Variants in CPXM2 observed in about 807,000 individuals in gnomAD.
The protein encoded by CPXM2 is carboxypeptidase X, M14 family member 2, also known as inactive carboxypeptidase-like protein X2.
A neutral mutation model predicts 86.1 loss-of-function variants in CPXM2; 66 were observed. The ratio of observed to expected loss-of-function variants is 0.77; its 90% CI spans 0.63 to 0.94. CPXM2 has a LOEUF of 0.94. CPXM2 is among the 40% of genes least tolerant of loss of function. The probability of loss-of-function intolerance (pLI) is 0.00; values close to 1 mark genes in which losing one functional copy is unlikely to be tolerated. For synonymous variants in CPXM2, 388 were observed against 400.2 expected (o/e 0.97, Z 0.36); for missense variants, 948 against 1,026.3 (o/e 0.92, Z 1.04).
At chr10:123,785,782 G>A (rs535682719) in intron 6 of CPXM2, among the ~76,000 whole-genome samples, 41 of 152,020 alleles carry the variant, frequency 2.7e-4, no homozygotes, top group Admixed American at 2.4e-3. Context: ...ACAGGCACTC[G>A]CCACCACGCC....
chr10:123,832,884 C>T (rs920118600), intron 4 of CPXM2, among the ~76,000 whole-genome samples: 5 of 151,340 alleles, frequency 3.3e-5, no homozygotes, highest in African/African-American at 1.2e-4. Context: ...AATGGATTAG[C>T]GCTCTTACAA....
chr10:123,907,790 G>A (rs1945456072), intron 2 of CPXM2, among the ~76,000 whole-genome samples: 1 of 152,158 alleles, frequency 6.6e-6, no homozygotes. Context: ...TACACTGAAG[G>A]CACCATCCCT....
At chr10:123,913,917 C>A in intron 2 of CPXM2, 2 of 448,386 alleles carry the variant, frequency 4.5e-6, no homozygotes, top group South Asian at 3.2e-5. Flanking sequence ...CTGCCCACAG[C>A]CTATGCAATA....
At chr10:123,911,485 T>C (rs1428459259) in intron 2 of CPXM2, among the ~76,000 whole-genome samples, 1 of 151,162 alleles carries the variant, frequency 6.6e-6, no homozygotes, top group Non-Finnish European at 1.5e-5. Context: ...TACGATTAGG[T>C]TGGTGCAAAA....
chr10:123,808,265 G>T (rs1305472594), intron 4 of CPXM2, among the ~76,000 whole-genome samples: 1 of 152,092 alleles, frequency 6.6e-6, no homozygotes, highest in Non-Finnish European at 1.5e-5. Context: ...CCTTCTACTA[G>T]TGTACAACTA....
chr10:123,904,981 T>G (rs535355512), intron 2 of CPXM2, among the ~76,000 whole-genome samples: 28 of 152,210 alleles, frequency 1.8e-4, no homozygotes, highest in African/African-American at 6.7e-4. Flanking sequence ...GTTCACCCTG[T>G]GACAGGAGCT....
At chr10:123,822,255 T>C (rs1439544201) in intron 4 of CPXM2, among the ~76,000 whole-genome samples, 2 of 152,248 alleles carry the variant, frequency 1.3e-5, no homozygotes, top group Non-Finnish European at 2.9e-5. Flanking sequence ...AAAACTTTTC[T>C]TTATAGACAG....
chr10:123,940,243 C>T (rs1945762026), exon 1 of CPXM2: 1 of 152,350 alleles, frequency 6.6e-6, no homozygotes, highest in Admixed American at 6.5e-5. Context: ...CTGCATTCAC[C>T]TCCATGCCTC....
chr10:123,907,664 T>C (rs1945454663), intron 2 of CPXM2, among the ~76,000 whole-genome samples: 1 of 148,738 alleles, frequency 6.7e-6, no homozygotes, highest in African/African-American at 2.5e-5. Context: ...CTTCTATCAT[T>C]CCCATTACAG....
intron 6 of CPXM2, among the ~76,000 whole-genome samples, chr10:123,784,376 G>A (rs972748453): frequency 2.0e-5 from 3 of 152,144 alleles, no homozygotes; most frequent in African/African-American, 7.2e-5. Flanking sequence ...ACTGTGGCAG[G>A]ATAAGTTACT....
chr10:123,837,886 C>G (rs1301665723), intron 4 of CPXM2, among the ~76,000 whole-genome samples: 1 of 152,150 alleles, frequency 6.6e-6, no homozygotes, highest in African/African-American at 2.4e-5. Flanking sequence ...GGTGGCTGAG[C>G]CTCGTGATTT....
At chr10:123,771,121 T>TCCACAGC in intron 7 of CPXM2, 82 bp from the exon 8 acceptor site, 1 of 1,378,270 alleles carries the variant, frequency 7.3e-7, no homozygotes, top group Non-Finnish European at 1.0e-6. Flanking sequence ...AACGGACACC[T>TCCACAGC]CTTGCTTTCC....
intron 8 of CPXM2, among the ~76,000 whole-genome samples, chr10:123,769,769 G>A (rs1488466223): frequency 2.0e-5 from 3 of 152,136 alleles, no homozygotes; most frequent in Non-Finnish European, 4.4e-5. Flanking sequence ...CTTAACCTTG[G>A]ACTTCCCAGC....
At chr10:123,829,158 G>A (rs1321795154) in intron 4 of CPXM2, among the ~76,000 whole-genome samples, 1 of 152,148 alleles carries the variant, frequency 6.6e-6, no homozygotes, top group African/African-American at 2.4e-5. Flanking sequence ...TGCAAATTAA[G>A]ATGGTGACGA....
At chr10:123,843,708 C>T (rs1022431396) in intron 3 of CPXM2, among the ~76,000 whole-genome samples, 14 of 152,166 alleles carry the variant, frequency 9.2e-5, no homozygotes, top group Non-Finnish European at 1.8e-4. Flanking sequence ...CAGCTATAGG[C>T]GTGAACAACT....
chr10:123,889,924 A>T (rs61104574), intron 1 of CPXM2, among the ~76,000 whole-genome samples: 1,535 of 151,642 alleles, frequency 0.01, 22 homozygotes, highest in African/African-American at 0.035. Flanking sequence ...GCAGGCACTT[A>T]AAAAAAAACT....
rs778244409 is a variant in CPXM2, at chr10:123,862,737, A to G, written c.404-14T>C. ...GAGGTGGGCAACCTGGAAAGGACAA[A>G]TGCTTGTTAAAAACAACGACAGATG... On this transcript the variant is annotated splice_polypyrimidine_tract_variant and intron_variant, in intron 2 of 13. Transcript: ENST00000241305. 15 of 1,317,326 alleles carry G rather than the reference A, an allele frequency of 1.1e-5. No homozygotes were observed. The highest frequency in any genetic ancestry group is 1.5e-5 in the Non-Finnish European group (14 of 919,348). 81.6% of individuals were successfully genotyped at this position (1,317,326 alleles called of 1,614,324 possible).
chr10:123,775,051 A>G (rs1660806603), intron 7 of CPXM2, among the ~76,000 whole-genome samples: 1 of 152,198 alleles, frequency 6.6e-6, no homozygotes, highest in South Asian at 2.1e-4. Context: ...AAGGCCCAGA[A>G]AGCCATCGAA....
At chr10:123,759,615 C>T (rs554904551) in intron 11 of CPXM2, among the ~76,000 whole-genome samples, 5 of 152,230 alleles carry the variant, frequency 3.3e-5, no homozygotes, top group Admixed American at 1.3e-4. Flanking sequence ...GTGCCCCAGA[C>T]AGTTCTTCAC....
Sources: gnomAD v4.1 joint callset for allele counts (sites outside exome capture counted in the v4.1 genomes callset) on GRCh38, gnomAD v4.1.1 for gene constraint, MANE v1.5 for transcripts, NCBI Gene and HGNC (gene_info 2026-07-23, HGNC 2026-07-21) for gene names.